TENM4: variants seen among roughly 807,000 people sequenced by gnomAD.
TENM4 encodes the protein teneurin-4.
TENM4 carries 82 observed loss-of-function variants against 243.3 expected under a neutral mutation model. That is an observed-to-expected ratio of 0.34 (90% confidence interval 0.28 to 0.40). The LOEUF (loss-of-function observed/expected upper bound fraction) is 0.40, where lower values mean the gene tolerates loss of function less well. TENM4 is among the 10% of genes least tolerant of loss of function. The probability of loss-of-function intolerance (pLI) is 1.00; values close to 1 mark genes in which losing one functional copy is unlikely to be tolerated. For missense variants in TENM4, 3,138 were observed against 3,673.3 expected (o/e 0.85, Z 3.77); for synonymous variants, 1,412 against 1,456.3 (o/e 0.97, Z 0.69).
In TENM4 at chr11:78,805,281, C is replaced by CACCCCCCA; in HGVS notation, c.2179+10_2179+11insTGGGGGGT. On this transcript the variant is annotated intron_variant, in intron 15 of 33. Transcript: ENST00000278550. ...TCCCTCTACCCATGCTTCTTCTCCC[C>CACCCCCCA]CTGCATTTACCGATAGAACAGTCGT... 8.1e-6 allele frequency: 12 copies of CACCCCCCA among 1,488,450 alleles called. No homozygotes were observed. The highest frequency in any genetic ancestry group is 1.9e-5 in the Admixed American group (1 of 53,496). 92.2% of individuals were successfully genotyped at this position (1,488,450 alleles called of 1,614,324 possible).
At chr11:78,732,708 A>C in intron 20 of TENM4, 131 bp from the exon 21 acceptor site, 5 of 1,067,734 alleles carry the variant, frequency 4.7e-6, no homozygotes, top group Non-Finnish European at 6.5e-6. Flanking sequence ...GGAGGCTCTA[A>C]TGCCTAAATA....
At chr11:79,149,016 C>T (rs933390978) in intron 3 of TENM4, among the ~76,000 whole-genome samples, 14 of 152,114 alleles carry the variant, frequency 9.2e-5, no homozygotes, top group African/African-American at 2.4e-4. Context: ...AGCACAGTGC[C>T]TGGCACATGG....
chr11:79,367,109 G>C (rs1435208181), intron 1 of TENM4, among the ~76,000 whole-genome samples: 1 of 152,164 alleles, frequency 6.6e-6, no homozygotes, highest in Non-Finnish European at 1.5e-5. Flanking sequence ...AAATTGGCTG[G>C]ATCACTTTCA....
rs35475587 is a variant in TENM4, at chr11:78,735,325, G to A, written c.2877-2748C>T. ...TTGGCTCTCCAGGAGAATACCCATG[G>A]TTTTGGGGAAATACTCAAAGAACAA... is the stretch of plus-strand genomic sequence containing the variant. On this transcript the variant is annotated intron_variant, in intron 20 of 33. Coordinates refer to ENST00000278550, the MANE Select transcript of TENM4 (RefSeq NM_001098816.3). Among the ~76,000 whole-genome samples, 700 of 152,218 alleles carry A rather than the reference G, an allele frequency of 4.6e-3. 4 individuals are homozygous for A. The highest frequency in any genetic ancestry group is 7.7e-3 in the Admixed American group (118 of 15,302).
intron 2 of TENM4, among the ~76,000 whole-genome samples, chr11:79,285,593 T>C (rs542011531): frequency 2.0e-5 from 3 of 152,034 alleles, no homozygotes; most frequent in African/African-American, 7.2e-5. Context: ...TAGTTAAAAA[T>C]GGAAATAACC....
At chr11:79,344,525 C>T (rs1176698304) in intron 1 of TENM4, among the ~76,000 whole-genome samples, 1 of 152,186 alleles carries the variant, frequency 6.6e-6, no homozygotes, top group Non-Finnish European at 1.5e-5. Flanking sequence ...ACATGACACC[C>T]CCAGAAGGGG....
rs1859427533 is a variant in TENM4, at chr11:78,712,668, C to T, written c.3868G>A (p.Gly1290Arg). The change falls in exon 26 of 34, where the codon GGG (glycine) becomes AGG (arginine). Residue 1290 changes from glycine (G) to arginine (R), a missense_variant. Coordinates refer to ENST00000278550, the MANE Select transcript of TENM4 (RefSeq NM_001098816.3). Reference sequence around the variant, plus strand: ...TTGCTGTCAGAAAGGAAGACGGCCCCACTCATGGGGTCTGTGGCCAGGTAG... The same window carrying T: ...TTGCTGTCAGAAAGGAAGACGGCCCTACTCATGGGGTCTGTGGCCAGGTAG... ...KYYLATDPMS[G>R]AVFLSDSNSR... 6.2e-7 allele frequency: 1 copy of T among 1,613,892 alleles called. No homozygotes were observed. Among genetic ancestry groups the T allele is most frequent in the Non-Finnish European group, 8.5e-7 (1 of 1,179,910 alleles).
At position 78,712,498 on chromosome 11, in the gene TENM4, T is replaced by A. The variant is rs750760323; in HGVS notation, c.4038A>T (p.Thr1346=). The change falls in exon 26 of 34, where the codon ACA becomes ACT. Residue 1346 remains threonine, a synonymous_variant. Transcript: ENST00000278550. ...AGGCCTTACCCCTGGGATTGGTGAG[T>A]GTGGCTTCTGTGGCCTTCCCACCAT... ...CGDGGKATEA[T]LTNPRGITVD... The A allele has an allele frequency of 6.2e-7, 1 of 1,613,924 alleles. No individual in the cohort carries two copies. The highest frequency in any genetic ancestry group is 8.5e-7 in the Non-Finnish European group (1 of 1,179,846).
At chr11:79,298,385 G>T (rs11826616) in intron 1 of TENM4, among the ~76,000 whole-genome samples, 25,081 of 150,856 alleles carry the variant, frequency 0.17, 2,232 homozygotes, top group African/African-American at 0.23. Context: ...CGCGGTGGCG[G>T]GCGCCTGTAG....
chr11:79,394,924 C>T (rs767587687), intron 1 of TENM4, among the ~76,000 whole-genome samples: 3 of 152,270 alleles, frequency 2.0e-5, no homozygotes, highest in African/African-American at 7.2e-5. Context: ...GTCACAATCA[C>T]CAGAAGCCAG....
intron 6 of TENM4, among the ~76,000 whole-genome samples, chr11:78,993,226 G>T (rs994362743): frequency 6.6e-6 from 1 of 152,148 alleles, no homozygotes; most frequent in Non-Finnish European, 1.5e-5. Context: ...TTGAGGAAAA[G>T]GTGCTAAGGG....
intron 4 of TENM4, among the ~76,000 whole-genome samples, chr11:79,084,317 T>C (rs980630440): frequency 3.3e-5 from 5 of 152,220 alleles, no homozygotes; most frequent in African/African-American, 1.2e-4. Context: ...GGCAGTTTCT[T>C]AGAACACTAA....
intron 2 of TENM4, among the ~76,000 whole-genome samples, chr11:79,226,151 T>C (rs1019319984): frequency 6.6e-6 from 1 of 152,176 alleles, no homozygotes; most frequent in African/African-American, 2.4e-5. Context: ...ATGCCTTTCT[T>C]CCCAATCCAA....
chr11:78,796,728 A>G (rs954719448), intron 15 of TENM4, among the ~76,000 whole-genome samples: 1 of 152,098 alleles, frequency 6.6e-6, no homozygotes, highest in African/African-American at 2.4e-5. Context: ...CCCTCTCACT[A>G]CTGCCACAAA....
rs577887841 is a variant in TENM4 at position 79,156,712 on chromosome 11, C to T, written c.-162-7906G>A. Among the ~76,000 whole-genome samples, 47 of 152,224 alleles carry T rather than the reference C, an allele frequency of 3.1e-4. 1 individual carries two copies. The South Asian group carries it at 7.1e-3, about 23-fold the overall frequency. ...AATGCTCTGCTTATTTGACTGTCTC[C>T]GATAAATGTCTCCTGTGAATGCCTA... On this transcript the variant is annotated intron_variant, in intron 3 of 33. Transcript: ENST00000278550.
intron 1 of TENM4, among the ~76,000 whole-genome samples, chr11:79,316,995 T>C (rs564906090): frequency 5.9e-5 from 9 of 152,340 alleles, no homozygotes; most frequent in African/African-American, 2.2e-4. Context: ...ATTAACCTCT[T>C]GCCACACGTC....
chr11:78,815,657 G>T (rs535214860), intron 12 of TENM4, among the ~76,000 whole-genome samples: 5 of 152,330 alleles, frequency 3.3e-5, no homozygotes, highest in African/African-American at 1.2e-4. Flanking sequence ...AATAATGCTG[G>T]ATGTGGAATG....
chr11:78,722,463 T>A (rs1479648158), intron 24 of TENM4, among the ~76,000 whole-genome samples: 1 of 152,112 alleles, frequency 6.6e-6, no homozygotes, highest in Non-Finnish European at 1.5e-5. Context: ...GCCAGGGACA[T>A]CTCCCTGTCC....
chr11:78,935,166 C>A (rs1030972185), intron 6 of TENM4, among the ~76,000 whole-genome samples: 3 of 150,716 alleles, frequency 2.0e-5, no homozygotes, highest in African/African-American at 7.3e-5. Flanking sequence ...CGCCCGCCAG[C>A]GCGCCCAGCT....
Sources: allele counts gnomAD v4.1 joint callset (sites outside exome capture counted in the v4.1 genomes callset), GRCh38; gene constraint gnomAD v4.1.1; transcripts MANE v1.5; gene names NCBI Gene and HGNC (gene_info 2026-07-23, HGNC 2026-07-21).